The following ZC2HC1A variants were observed in gnomAD, a reference collection of about 807,000 sequenced individuals.
ZC2HC1A encodes the protein zinc finger C2HC-type containing 1A.
Under a neutral mutation model 40.7 loss-of-function variants are expected in ZC2HC1A, and 28 were observed. The ratio of observed to expected loss-of-function variants is 0.69; its 90% CI spans 0.51 to 0.94. ZC2HC1A has a LOEUF of 0.94. Ranked by LOEUF, ZC2HC1A falls within the 40% of genes least tolerant of loss-of-function variation. ZC2HC1A has a pLI of 0.00. For synonymous variants in ZC2HC1A, 129 were observed against 129.2 expected, an observed-to-expected ratio of 1.00 and a Z score of 0.01; for missense variants, 389 against 386.3, an observed-to-expected ratio of 1.01 and a Z score of -0.06.
At chr8:78,675,091 A>G (rs1015537807) in intron 1 of ZC2HC1A, among the ~76,000 whole-genome samples, 9 of 151,432 alleles carry the variant, frequency 5.9e-5, no homozygotes, top group African/African-American at 1.7e-4. Context: ...TTTTCTTTTT[A>G]GTAATAACAT....
intron 5 of ZC2HC1A, among the ~76,000 whole-genome samples, chr8:78,696,202 T>C (rs988514367): frequency 7.2e-5 from 11 of 151,952 alleles, no homozygotes; most frequent in African/African-American, 2.7e-4. Flanking sequence ...GCCCGGCTAA[T>C]TTTTTGTATT....
Position 78,687,762 on chromosome 8 carries a change from G to A in ZC2HC1A, c.352+1154G>A, listed in dbSNP as rs544520870. The stretch of plus-strand genomic sequence containing the variant: ...TATGTAATACATTATATATATTTAC[G>A]TAAGACATTATATATATATTTACGT... On this transcript the variant is annotated intron_variant, in intron 4 of 8. Transcript: ENST00000263849. 6.1e-4 allele frequency among the ~76,000 whole-genome samples: 37 copies of A among 60,288 alleles called. 13 individuals carry two copies. The highest frequency in any genetic ancestry group is 1.7e-3 in the Admixed American group (8 of 4,652). 39.6% of individuals were successfully genotyped at this position (60,288 alleles called of 152,430 possible). A position where few individuals can be genotyped will look rare whatever the true frequency, so the allele number is the denominator to read the frequency against.
In ZC2HC1A at chr8:78,689,343, C is replaced by A; in HGVS notation, c.474C>A (p.Thr158=). ...ATAAAGGGAAATTTTCTACAGATAC[C>A]AAAGGAAAACCAACTTCTCGGACAC... ...ISNKGKFSTD[T]KGKPTSRTQV... Residue 158 remains threonine, a synonymous_variant, in exon 5 of 9, where the codon ACC becomes ACA. Coordinates refer to ENST00000263849, the MANE Select transcript of ZC2HC1A (RefSeq NM_016010.3). 1 of 1,595,088 alleles carries A rather than the reference C, an allele frequency of 6.3e-7. No individual in the cohort carries two copies. The highest frequency in any genetic ancestry group is 1.1e-5 in the South Asian group (1 of 87,516).
intron 3 of ZC2HC1A, chr8:78,685,819 C>T (rs1457760073): frequency 6.6e-6 from 1 of 152,204 alleles, no homozygotes; most frequent in African/African-American, 2.4e-5. Context: ...CTGTGTTAGT[C>T]TCTTTTCTGC....
At chr8:78,705,110 G>T (rs533533564) in intron 7 of ZC2HC1A, among the ~76,000 whole-genome samples, 1 of 152,150 alleles carries the variant, frequency 6.6e-6, no homozygotes, top group African/African-American at 2.4e-5. Flanking sequence ...CATTTCAGCT[G>T]TCTCAGCCTC....
chr8:78,697,962 G>C (rs1183654482), intron 6 of ZC2HC1A, among the ~76,000 whole-genome samples: 1 of 152,114 alleles, frequency 6.6e-6, no homozygotes, highest in East Asian at 1.9e-4. Flanking sequence ...ACTGGCGTGA[G>C]CCACCGTGGT....
intron 1 of ZC2HC1A, 26 bp downstream of exon 1, chr8:78,666,190 G>T: frequency 6.4e-7 from 1 of 1,571,828 alleles, no homozygotes; most frequent in Non-Finnish European, 8.6e-7. Flanking sequence ...GATGAGGGCA[G>T]GACGGCTAGA....
intron 8 of ZC2HC1A, among the ~76,000 whole-genome samples, chr8:78,717,042 C>T (rs576532651): frequency 3.3e-4 from 50 of 152,134 alleles, no homozygotes; most frequent in African/African-American, 1.2e-3. Flanking sequence ...TATAAATTAC[C>T]CAGTCTCAGG....
chr8:78,715,606 C>G (rs992011832), intron 8 of ZC2HC1A, among the ~76,000 whole-genome samples: 3 of 152,076 alleles, frequency 2.0e-5, no homozygotes, highest in African/African-American at 7.2e-5. Context: ...AGAAGTTGTT[C>G]CAAACTTCAT....
At position 78,698,399 on chromosome 8, in the gene ZC2HC1A, C is replaced by T. The variant is rs1810500103; in HGVS notation, c.605-15C>T. On this transcript the variant is annotated splice_polypyrimidine_tract_variant and intron_variant, in intron 6 of 8. Coordinates refer to ENST00000263849, the MANE Select transcript of ZC2HC1A (RefSeq NM_016010.3). ...TTTTAGAGTATTGTTAAAAATAATGCTTTTTTATTATAAGGTGTTCCTTCA... is the reference window on the plus strand; with the variant it reads ...TTTTAGAGTATTGTTAAAAATAATGTTTTTTTATTATAAGGTGTTCCTTCA... 2 of 1,594,088 alleles carry T rather than the reference C, an allele frequency of 1.3e-6. No individual in the cohort carries two copies. Among genetic ancestry groups the T allele is most frequent in the South Asian group, 1.1e-5 (1 of 88,180 alleles).
chr8:78,671,514 G>T (rs1388991573), intron 1 of ZC2HC1A, among the ~76,000 whole-genome samples: 1 of 152,128 alleles, frequency 6.6e-6, no homozygotes, highest in South Asian at 2.1e-4. Context: ...GGAAAGGTTA[G>T]TGGAGATTGC....
intron 4 of ZC2HC1A, among the ~76,000 whole-genome samples, chr8:78,688,789 A>G (rs979596783): frequency 6.6e-6 from 1 of 152,134 alleles, no homozygotes; most frequent in African/African-American, 2.4e-5. Context: ...TTTCCATTTG[A>G]TGAAATAAAA....
chr8:78,713,587 G>C (rs1421504190), intron 7 of ZC2HC1A, among the ~76,000 whole-genome samples: 1 of 152,148 alleles, frequency 6.6e-6, no homozygotes, highest in Non-Finnish European at 1.5e-5. Context: ...ATACACAAGA[G>C]TAGAGTAAAC....
rs556237550 is a variant in ZC2HC1A at position 78,719,048 on chromosome 8, G to T, written c.*1555G>T. 6.6e-6 allele frequency: 1 copy of T among 151,606 alleles called. No individual in the cohort carries two copies. The highest frequency in any genetic ancestry group is 1.9e-4 in the East Asian group (1 of 5,178). The allele number at this position is 151,606 out of a possible 1,614,324, so 9.4% of individuals were successfully genotyped here. A position where few individuals can be genotyped will look rare whatever the true frequency, so the allele number is the denominator to read the frequency against. The stretch of plus-strand genomic sequence containing the variant: ...TTAGTTGTTAATTTTTTTCCCCTCA[G>T]TTATCTTTATTCAGTCTTATTGGTC... On this transcript the variant is annotated 3_prime_UTR_variant, in exon 9 of 9. Transcript: ENST00000263849.
chr8:78,694,726 C>G (rs565478277), intron 5 of ZC2HC1A, among the ~76,000 whole-genome samples: 12 of 152,202 alleles, frequency 7.9e-5, no homozygotes, highest in African/African-American at 2.9e-4. Flanking sequence ...GTTCTTTAGA[C>G]TTTTTCCAAT....
intron 8 of ZC2HC1A, among the ~76,000 whole-genome samples, chr8:78,716,984 C>G (rs1207491101): frequency 2.0e-5 from 3 of 152,074 alleles, no homozygotes; most frequent in Non-Finnish European, 2.9e-5. Context: ...CCCAACCAAG[C>G]TTTCTGTACA....
At chr8:78,712,839 A>G (rs554153710) in intron 7 of ZC2HC1A, among the ~76,000 whole-genome samples, 31 of 152,322 alleles carry the variant, frequency 2.0e-4, no homozygotes, top group South Asian at 4.1e-4. Context: ...AATATTAAGC[A>G]GAGTAACTTA....
intron 7 of ZC2HC1A, among the ~76,000 whole-genome samples, chr8:78,707,527 G>A (rs1810811708): frequency 6.6e-6 from 1 of 152,160 alleles, no homozygotes; most frequent in African/African-American, 2.4e-5. Context: ...GGTTACTAAT[G>A]GAAAATATGC....
chr8:78,682,027 G>A (rs1809804989), intron 3 of ZC2HC1A, among the ~76,000 whole-genome samples: 1 of 151,484 alleles, frequency 6.6e-6, no homozygotes, highest in African/African-American at 2.4e-5. Flanking sequence ...ACAGGCATGA[G>A]CCGTCATACC....
Sources: gnomAD v4.1 joint callset for allele counts (sites outside exome capture counted in the v4.1 genomes callset) on GRCh38, gnomAD v4.1.1 for gene constraint, MANE v1.5 for transcripts, NCBI Gene and HGNC (gene_info 2026-07-23, HGNC 2026-07-21) for gene names.